The following UMAD1 variants were observed in gnomAD, a reference collection of about 807,000 sequenced individuals.
UMAD1 encodes the protein UBAP1-MVB12-associated (UMA) domain containing 1, also known as UBAP1-MVB12-associated (UMA)-domain containing protein 1.
Under a neutral mutation model 6.1 loss-of-function variants are expected in UMAD1, and 8 were observed. The observed-to-expected ratio is 1.30, with a 90% CI of 0.76 to 2.35. The LOEUF (loss-of-function observed/expected upper bound fraction) is 2.35, where lower values mean the gene tolerates loss of function less well. Ranked by LOEUF, UMAD1 falls within the 30% of genes most tolerant of loss-of-function variation. The pLI, the probability that UMAD1 is intolerant of heterozygous loss-of-function variation, is 0.00. For missense variants in UMAD1, 130 were observed against 78.4 expected (o/e 1.66, Z -2.49); for synonymous variants, 56 against 31.4 (o/e 1.78, Z -2.61).
At chr7:7,855,691 C>T (rs6972731) in intron 3 of UMAD1, among the ~76,000 whole-genome samples, 41,972 of 152,132 alleles carry the variant, frequency 0.28, 7,423 homozygotes, top group African/African-American at 0.5. Flanking sequence ...ACATTTTCCT[C>T]ATTGTTGGGT....
intron 3 of UMAD1, among the ~76,000 whole-genome samples, chr7:7,873,707 C>T (rs1472774086): frequency 3.9e-5 from 6 of 152,148 alleles, no homozygotes; most frequent in Non-Finnish European, 7.4e-5. Context: ...ATTGGAGATG[C>T]TTTGTGACGA....
intron 2 of UMAD1, among the ~76,000 whole-genome samples, chr7:7,778,910 AGGG>A (rs1382792916): frequency 1.3e-5 from 2 of 152,202 alleles, no homozygotes; most frequent in East Asian, 3.8e-4. Flanking sequence ...ATACTTATTA[AGGG>A]TTTCCTCTGT....
chr7:7,673,639 G>A (rs1018495819), intron 2 of UMAD1, among the ~76,000 whole-genome samples, 186 bp downstream of exon 2: 11 of 152,026 alleles, frequency 7.2e-5, no homozygotes, highest in Non-Finnish European at 1.5e-4. Context: ...GTCATCAAGT[G>A]AGACTTTTCT....
intron 3 of UMAD1, among the ~76,000 whole-genome samples, chr7:7,844,735 T>A (rs992266972): frequency 6.6e-6 from 1 of 152,198 alleles, no homozygotes; most frequent in Non-Finnish European, 1.5e-5. Flanking sequence ...GCATCTACCA[T>A]CCACAGGTTT....
At chr7:7,649,172 A>AG (rs1186590802) in intron 1 of UMAD1, among the ~76,000 whole-genome samples, 3 of 143,172 alleles carry the variant, frequency 2.1e-5, no homozygotes, top group East Asian at 2.1e-4. Flanking sequence ...AAAAAAAAAA[A>AG]AAAAAAAGAA....
At chr7:7,782,123 A>G (rs1321422566) in intron 2 of UMAD1, among the ~76,000 whole-genome samples, 1 of 152,126 alleles carries the variant, frequency 6.6e-6, no homozygotes, top group African/African-American at 2.4e-5. Context: ...TCTTATTTTT[A>G]AAAACTTCTC....
intron 3 of UMAD1, among the ~76,000 whole-genome samples, chr7:7,828,606 G>T (rs895904833): frequency 6.6e-6 from 1 of 152,192 alleles, no homozygotes; most frequent in Non-Finnish European, 1.5e-5. Context: ...TTGTGCAGGG[G>T]CTAAGGGGCT....
At chr7:7,754,580 G>T (rs1398289740) in intron 2 of UMAD1, among the ~76,000 whole-genome samples, 1 of 152,138 alleles carries the variant, frequency 6.6e-6, no homozygotes, top group Non-Finnish European at 1.5e-5. Flanking sequence ...CAGTAGGGTG[G>T]TGTGCACTAA....
intron 3 of UMAD1, among the ~76,000 whole-genome samples, chr7:7,811,022 C>T (rs1783011264): frequency 6.6e-6 from 1 of 152,112 alleles, no homozygotes; most frequent in Non-Finnish European, 1.5e-5. Context: ...ATGGCCCAAA[C>T]TTTTCTCATT....
intron 2 of UMAD1, among the ~76,000 whole-genome samples, chr7:7,679,689 TTATATATTTAATTTATAGATAAATATATA>T: frequency 7.8e-6 from 1 of 127,618 alleles, no homozygotes; most frequent in African/African-American, 3.1e-5. Flanking sequence ...AAATATATAT[TTATATATTTAATTTATAGATAAATATATA>T]TATATATATA....
At chr7:7,765,980 C>T (rs1286470373) in intron 2 of UMAD1, among the ~76,000 whole-genome samples, 1 of 152,154 alleles carries the variant, frequency 6.6e-6, no homozygotes, top group African/African-American at 2.4e-5. Flanking sequence ...CAGTTCTCCT[C>T]AGTTACATAT....
At position 7,699,942 on chromosome 7, in the gene UMAD1, A is replaced by G. The variant is rs180766526; in HGVS notation, c.82+26489A>G. On this transcript the variant is annotated intron_variant, in intron 2 of 3. Coordinates refer to ENST00000682710, the MANE Select transcript of UMAD1 (RefSeq NM_001302348.2). ...TAGCCAGAAAACTACACTTAAAAAT[A>G]AATTCCTGAAGTGAAAGTAAAAATT... Among the ~76,000 whole-genome samples, 8 of 152,358 alleles carry G rather than the reference A, an allele frequency of 5.3e-5. No homozygotes were observed. The East Asian group carries it at 1.5e-3, about 29-fold the overall frequency.
intron 2 of UMAD1, among the ~76,000 whole-genome samples, chr7:7,680,667 A>G (rs1233912342): frequency 6.7e-6 from 1 of 150,024 alleles, no homozygotes; most frequent in African/African-American, 2.5e-5. Flanking sequence ...CTTCCAATCC[A>G]TAAATTTGGA....
chr7:7,783,145 A>G (rs1409939554), intron 2 of UMAD1, among the ~76,000 whole-genome samples: 2 of 152,190 alleles, frequency 1.3e-5, no homozygotes, highest in African/African-American at 4.8e-5. Flanking sequence ...GAGACTATCT[A>G]GGGTCTCATT....
intron 2 of UMAD1, among the ~76,000 whole-genome samples, chr7:7,747,871 A>C (rs578248959): frequency 3.9e-5 from 6 of 152,356 alleles, no homozygotes; most frequent in African/African-American, 1.4e-4. Flanking sequence ...ATTAAATCTA[A>C]ATCATTGAAT....
intron 3 of UMAD1, among the ~76,000 whole-genome samples, chr7:7,837,256 T>C (rs1335728192): frequency 6.6e-6 from 1 of 151,984 alleles, no homozygotes; most frequent in Non-Finnish European, 1.5e-5. Context: ...TTCAGATATA[T>C]AAAACCTGAG....
chr7:7,836,955 TA>T (rs35860331), intron 3 of UMAD1, among the ~76,000 whole-genome samples: 3,246 of 145,802 alleles, frequency 0.022, 105 homozygotes, highest in African/African-American at 0.074. Context: ...CCAAAACTAT[TA>T]AAAAAAAAAA....
At chr7:7,869,918 A>G (rs1195266700) in intron 3 of UMAD1, among the ~76,000 whole-genome samples, 1 of 152,200 alleles carries the variant, frequency 6.6e-6, no homozygotes, top group Non-Finnish European at 1.5e-5. Context: ...CCTTTGCTGA[A>G]AAGTGTTATA....
rs1782510890 is a variant in UMAD1, at chr7:7,788,975, T to C, written c.83-12695T>C. Among the ~76,000 whole-genome samples, 2 of 152,360 alleles carry C rather than the reference T, an allele frequency of 1.3e-5. 1 individual carries two copies. The highest frequency in any genetic ancestry group is 4.1e-4 in the South Asian group (2 of 4,828). On this transcript the variant is annotated intron_variant, in intron 2 of 3. Transcript: ENST00000682710. Reference sequence around the variant, plus strand: ...TACTTTATATTTTAAATTTCTTCATTTACTTAAAAATTTCTATTTTTGTAA... The same window carrying C: ...TACTTTATATTTTAAATTTCTTCATCTACTTAAAAATTTCTATTTTTGTAA...
Sources: allele counts gnomAD v4.1 joint callset (sites outside exome capture counted in the v4.1 genomes callset), GRCh38; gene constraint gnomAD v4.1.1; transcripts MANE v1.5; gene names NCBI Gene and HGNC (gene_info 2026-07-23, HGNC 2026-07-21).